Variants in TRERF1 observed in about 807,000 individuals in gnomAD.
TRERF1 encodes transcriptional-regulating factor 1.
Under a neutral mutation model 122.9 loss-of-function variants are expected in TRERF1, and 27 were observed. The observed-to-expected ratio is 0.22, with a 90% confidence interval of 0.16 to 0.30. The LOEUF is 0.30. Among genes scored for constraint, TRERF1 ranks in the 10% least tolerant of loss-of-function variants. The pLI is 1.00. For missense variants in TRERF1, 1,248 were observed against 1,560.3 expected (o/e 0.80, Z 3.37); for synonymous variants, 636 against 641.7 (o/e 0.99, Z 0.13).
At chr6:42,387,729 T>C (rs1246701661) in intron 2 of TRERF1, among the ~76,000 whole-genome samples, 1 of 152,244 alleles carries the variant, frequency 6.6e-6, no homozygotes, top group African/African-American at 2.4e-5. Flanking sequence ...GCCAATTTCA[T>C]ATGTTCACAT....
intron 16 of TRERF1, among the ~76,000 whole-genome samples, chr6:42,233,730 C>A (rs1771372767): frequency 6.6e-6 from 1 of 152,138 alleles, no homozygotes; most frequent in African/African-American, 2.4e-5. Context: ...GGTGCTCTGG[C>A]TAGAATGGAG....
intron 10 of TRERF1, 60 bp downstream of exon 10, chr6:42,258,075 T>C: frequency 7.1e-7 from 1 of 1,418,420 alleles, no homozygotes; most frequent in Non-Finnish European, 9.9e-7. Flanking sequence ...ACAAAAGTAT[T>C]AACTATACTT....
intron 3 of TRERF1, among the ~76,000 whole-genome samples, chr6:42,328,117 T>A (rs980441193): frequency 4.6e-5 from 7 of 150,912 alleles, no homozygotes; most frequent in Non-Finnish European, 1.0e-4. Context: ...GCGATTCTCA[T>A]GTGCCTCAGC....
At position 42,376,148 on chromosome 6, in the gene TRERF1, G is replaced by T. The variant is rs75686689; in HGVS notation, c.-453-13069C>A. The stretch of plus-strand genomic sequence containing the variant: ...TGTGAAGGGGGCCTGGCCACCCCCA[G>T]TTCCAGGGCACTGAGCACTCCCACC... On this transcript the variant is annotated intron_variant, in intron 2 of 17. Coordinates refer to ENST00000372922, the Ensembl canonical transcript of TRERF1. 7.9e-4 allele frequency among the ~76,000 whole-genome samples: 121 copies of T among 152,274 alleles called. 1 individual carries two copies. The East Asian group carries it at 0.022, about 27-fold the overall frequency.
intron 5 of TRERF1, among the ~76,000 whole-genome samples, chr6:42,267,672 T>C (rs1779454435): frequency 6.6e-6 from 1 of 152,168 alleles, no homozygotes; most frequent in Admixed American, 6.5e-5. Flanking sequence ...AACCCTGGTG[T>C]ATTTATCCTG....
At chr6:42,231,606 T>C (rs1770555670) in intron 17 of TRERF1, among the ~76,000 whole-genome samples, 1 of 152,218 alleles carries the variant, frequency 6.6e-6, no homozygotes, top group South Asian at 2.1e-4. Flanking sequence ...CTAGGAATTA[T>C]GGGAAGAGGA....
At chr6:42,240,670 T>C (rs1332998117) in intron 15 of TRERF1, among the ~76,000 whole-genome samples, 3 of 152,236 alleles carry the variant, frequency 2.0e-5, no homozygotes, top group African/African-American at 4.8e-5. Flanking sequence ...CTGGATCTCA[T>C]TGCATACTGC....
chr6:42,243,487 T>A, intron 14 of TRERF1, 126 bp from the exon 15 acceptor site: 1 of 639,420 alleles, frequency 1.6e-6, no homozygotes, highest in Non-Finnish European at 2.7e-6. Flanking sequence ...GAAAAAAATG[T>A]ACCTGGTGAA....
At chr6:42,306,296 C>G (rs1787235207) in intron 3 of TRERF1, among the ~76,000 whole-genome samples, 1 of 152,132 alleles carries the variant, frequency 6.6e-6, no homozygotes, top group African/African-American at 2.4e-5. Flanking sequence ...GCCACCACGC[C>G]CGGCCAATCT....
chr6:42,227,666 T>C (rs766233039), exon 18 of TRERF1: 2 of 152,200 alleles, frequency 1.3e-5, no homozygotes, highest in Non-Finnish European at 2.9e-5. Flanking sequence ...AGGTCCTCAG[T>C]AAACACTGCT....
At chr6:42,283,611 C>CTTTTTT (rs869206003) in intron 4 of TRERF1, among the ~76,000 whole-genome samples, 23 of 107,986 alleles carry the variant, frequency 2.1e-4, no homozygotes, top group Non-Finnish European at 3.0e-4. Flanking sequence ...ATGAAAAAAA[C>CTTTTTT]TTTTTTTTTT....
chr6:42,311,225 G>A (rs1041576375), intron 3 of TRERF1, among the ~76,000 whole-genome samples: 7 of 152,160 alleles, frequency 4.6e-5, no homozygotes, highest in Non-Finnish European at 8.8e-5. Flanking sequence ...ATGTTATGAA[G>A]GGAAATAAAG....
At chr6:42,236,088 T>G in intron 16 of TRERF1, 117 bp downstream of exon 16, 1 of 1,428,230 alleles carries the variant, frequency 7.0e-7, no homozygotes, top group Non-Finnish European at 9.2e-7. Flanking sequence ...TGGAGCACCC[T>G]CTGCCAAACT....
At chr6:42,226,101 G>T (rs1769467093) in exon 18 of TRERF1, 1 of 152,206 alleles carries the variant, frequency 6.6e-6, no homozygotes, top group South Asian at 2.1e-4. Flanking sequence ...ACTAATTCAG[G>T]AATTTGAACT....
intron 2 of TRERF1, among the ~76,000 whole-genome samples, chr6:42,412,199 C>G (rs921412765): frequency 3.3e-5 from 5 of 152,044 alleles, no homozygotes; most frequent in African/African-American, 1.2e-4. Context: ...CAGGGTTTCT[C>G]CATGTTAGTC....
Position 42,259,604 on chromosome 6 carries a change from G to A in TRERF1, c.2004C>T (p.Ser668=), listed in dbSNP as rs141474453. The change falls in exon 9 of 18, where the codon TCC becomes TCT. Residue 668 remains serine, a synonymous_variant. Transcript: ENST00000372922. The surrounding 1 kb of genome is among the most constrained non-coding windows in gnomAD (Gnocchi z 4.9). ...AGGAGGCAGCGGGGTTCGGGTTGTA[G>A]GAGGGCGGCGGCGGGATGAAGAGAG... 2.5e-3 allele frequency: 4,097 copies of A among 1,613,910 alleles called. 120 individuals are homozygous for A. In the Admixed American group the frequency reaches 0.06, roughly 23 times the overall value.
intron 2 of TRERF1, among the ~76,000 whole-genome samples, chr6:42,408,118 T>C (rs554301543): frequency 1.3e-5 from 2 of 151,648 alleles, no homozygotes; most frequent in South Asian, 4.2e-4. Context: ...CTTAAAGAAC[T>C]TCATCAGTTC....
At chr6:42,250,519 A>T (rs1394576784) in intron 13 of TRERF1, among the ~76,000 whole-genome samples, 1 of 152,058 alleles carries the variant, frequency 6.6e-6, no homozygotes, top group African/African-American at 2.4e-5. Context: ...ATCTTGGACA[A>T]AGTCCAGGAT....
In TRERF1 at chr6:42,393,654, G is replaced by A. The variant is rs533812082; in HGVS notation, c.-453-30575C>T. Among the ~76,000 whole-genome samples the A allele has an allele frequency of 3.3e-5, 5 of 152,252 alleles. No individual in the cohort carries two copies. Among genetic ancestry groups the A allele is most frequent in the Non-Finnish European group, 5.9e-5 (4 of 68,024 alleles). On this transcript the variant is annotated intron_variant, in intron 2 of 17. Coordinates refer to ENST00000372922, the Ensembl canonical transcript of TRERF1. This position sits in a 1 kb window ranked among gnomAD's most constrained non-coding sequence, Gnocchi z 4.1. ...TATTAAAATCTGCATTCCCAAATCC[G>A]CTGCAGCATTAGGTGAATGAGCAAA...
Sources: gnomAD v4.1 joint callset for allele counts (sites outside exome capture counted in the v4.1 genomes callset) on GRCh38, gnomAD v4.1.1 for gene constraint, Gnocchi (gnomAD v3.1) non-coding constraint, MANE v1.5 for transcripts, NCBI Gene and HGNC (gene_info 2026-07-23, HGNC 2026-07-21) for gene names.